PRSS12: variants seen among roughly 807,000 people sequenced by gnomAD.
PRSS12 encodes the protein serine protease 12.
A neutral mutation model predicts 104.4 loss-of-function variants in PRSS12; 85 were observed. That is an observed-to-expected ratio of 0.81 (90% CI 0.68 to 0.98). The LOEUF (loss-of-function observed/expected upper bound fraction) is 0.98. PRSS12 is among the 50% of genes least tolerant of loss of function. The pLI is 0.00. For synonymous variants in PRSS12, 454 were observed against 425.2 expected, an observed-to-expected ratio of 1.07 and a Z score of -0.83; for missense variants, 1,141 against 1,139.2, an observed-to-expected ratio of 1.00 and a Z score of -0.02.
chr4:118,310,153 A>G (rs1743669872), intron 7 of PRSS12, among the ~76,000 whole-genome samples: 1 of 152,238 alleles, frequency 6.6e-6, no homozygotes, highest in South Asian at 2.1e-4. Context: ...GAAATTTGGG[A>G]GTTCTTTGCA....
chr4:118,316,533 T>C lies in PRSS12; in HGVS notation c.1151-210A>G, dbSNP rs28582030. 6.2e-3 allele frequency among the ~76,000 whole-genome samples: 938 copies of C among 152,166 alleles called. 9 individuals carry two copies. Among genetic ancestry groups the C allele is most frequent in the African/African-American group, 0.021 (877 of 41,520 alleles). On this transcript the variant is annotated intron_variant, in intron 5 of 12. Transcript: ENST00000296498. ...ACACATTTCTGTCCTAATAAAATAT[T>C]CTTTCCAGCTGGGTGTGGTGGCTCA...
intron 11 of PRSS12, among the ~76,000 whole-genome samples, chr4:118,292,521 C>T (rs1743151939): frequency 6.6e-6 from 1 of 152,220 alleles, no homozygotes; most frequent in Non-Finnish European, 1.5e-5. Flanking sequence ...CCTATAACTA[C>T]ATAGTAAACT....
chr4:118,339,823 ATAT>A (rs1724155371), intron 1 of PRSS12, among the ~76,000 whole-genome samples: 1 of 152,180 alleles, frequency 6.6e-6, no homozygotes, highest in Non-Finnish European at 1.5e-5. Flanking sequence ...GGTCCACGTA[ATAT>A]TATGCACATC....
chr4:118,302,012 T>C (rs917935971), intron 8 of PRSS12, among the ~76,000 whole-genome samples: 5 of 152,228 alleles, frequency 3.3e-5, no homozygotes, highest in African/African-American at 4.8e-5. Context: ...TTGATGCTTA[T>C]TTGTGATATA....
chr4:118,316,611 C>T (rs1295887465), intron 5 of PRSS12, among the ~76,000 whole-genome samples: 1 of 151,884 alleles, frequency 6.6e-6, no homozygotes, highest in South Asian at 2.1e-4. Context: ...CACCTGAGGT[C>T]AGGAGTTCGA....
At position 118,298,877 on chromosome 4, in the gene PRSS12, C is replaced by T. The variant is rs757456129; in HGVS notation, c.1693G>A (p.Asp565Asn). 3 of 1,614,172 alleles carry T rather than the reference C, an allele frequency of 1.9e-6. No homozygotes were observed. Among genetic ancestry groups the T allele is most frequent in the Non-Finnish European group, 2.5e-6 (3 of 1,180,038 alleles). Residue 565 changes from aspartate (D) to asparagine (N), a missense_variant, in exon 9 of 13, where the codon GAT becomes AAT. By Grantham distance (23) the Asp-to-Asn change is conservative (BLOSUM62 1). Transcript: ENST00000296498. ...TCATTTCCTGTGCACTTCACATTAT[C>T]CACATGGATGGGTCCTTTTCCTTCT... ...FGEGKGPIHV[D>N]NVKCTGNERS...
chr4:118,337,382 A>G (rs544488456), intron 2 of PRSS12, among the ~76,000 whole-genome samples: 2 of 152,362 alleles, frequency 1.3e-5, no homozygotes, highest in East Asian at 3.9e-4. Flanking sequence ...AAACAAAAGA[A>G]TAAGAAAAAC....
intron 8 of PRSS12, chr4:118,303,445 T>C (rs556277134): frequency 2.0e-5 from 3 of 152,250 alleles, no homozygotes; most frequent in Admixed American, 6.5e-5. Flanking sequence ...TTAGAGAACA[T>C]TTTAACAAAT....
At position 118,335,646 on chromosome 4, in the gene PRSS12, T is replaced by C; in HGVS notation, c.647A>G (p.Lys216Arg). The C allele has an allele frequency of 6.2e-7, 1 of 1,613,920 alleles. No individual in the cohort carries two copies. The highest frequency in any genetic ancestry group is 8.5e-7 in the Non-Finnish European group (1 of 1,179,872). ...VICHQLQLGG[K>R]GIAKQTPFSG... ...AAACGGGGTTTGTTTTGCTATTCCT[T>C]TTCCTCTGGAAGTACAATGAGCGAT... The change falls in exon 3 of 13, where the codon AAA (lysine) becomes AGA (arginine). Residue 216 changes from lysine (K) to arginine (R), a missense_variant. Lys to Arg is a conservative substitution (Grantham distance 26). Coordinates refer to ENST00000296498, the MANE Select transcript of PRSS12 (RefSeq NM_003619.4).
At chr4:118,346,663 C>T (rs1055246284) in intron 1 of PRSS12, among the ~76,000 whole-genome samples, 3 of 150,754 alleles carry the variant, frequency 2.0e-5, no homozygotes, top group Non-Finnish European at 4.4e-5. Context: ...AGGAGGTGAG[C>T]AAGTGAAGCT....
chr4:118,303,396 A>T (rs1743449350), intron 8 of PRSS12: 1 of 150,544 alleles, frequency 6.6e-6, no homozygotes, highest in Admixed American at 6.6e-5. Context: ...TGCACAAACT[A>T]AAAAAAAGCA....
At chr4:118,330,591 A>G (rs1353785937) in intron 4 of PRSS12, among the ~76,000 whole-genome samples, 1 of 152,184 alleles carries the variant, frequency 6.6e-6, no homozygotes, top group Non-Finnish European at 1.5e-5. Flanking sequence ...TTGGTCTTGG[A>G]CTAAATTCTG....
rs1724043324 is a variant in PRSS12 at position 118,335,552 on chromosome 4, C to A, written c.741G>T (p.Leu247=). The part of the protein sequence containing the change: ...VRCRGDEENI[L]LCEKDIWQGG... ...CCTGCCAGATGTCTTTTTCACAAAGCAGTATATTTTCTTCATCTCCTCGGC... is the reference window on the plus strand; with the variant it reads ...CCTGCCAGATGTCTTTTTCACAAAGAAGTATATTTTCTTCATCTCCTCGGC... Residue 247 remains leucine, a synonymous_variant, in exon 3 of 13, where the codon CTG becomes CTT. Coordinates refer to ENST00000296498, the MANE Select transcript of PRSS12 (RefSeq NM_003619.4). The A allele has an allele frequency of 6.2e-7, 1 of 1,613,870 alleles. No homozygotes were observed.
In PRSS12 at chr4:118,352,838, C is replaced by T; in HGVS notation, c.-118G>A. 2 of 1,499,058 alleles carry T rather than the reference C, an allele frequency of 1.3e-6. No homozygotes were observed. The highest frequency in any genetic ancestry group is 1.8e-6 in the Non-Finnish European group (2 of 1,124,796). 92.9% of individuals were successfully genotyped at this position (1,499,058 alleles called of 1,614,324 possible). A position where few individuals can be genotyped will look rare whatever the true frequency, so the allele number is the denominator to read the frequency against. On this transcript the variant is annotated 5_prime_UTR_variant, in exon 1 of 13. Transcript: ENST00000296498. ...CTCGAATCCCCCAGCCCCCTCCCGC[C>T]CCCGCACGCGGACCGCCCTCGCCTC...
intron 1 of PRSS12, among the ~76,000 whole-genome samples, chr4:118,339,401 G>A (rs1724144526): frequency 6.6e-6 from 1 of 152,134 alleles, no homozygotes; most frequent in Non-Finnish European, 1.5e-5. Flanking sequence ...AAAAATATTA[G>A]ATTCACAAAG....
intron 8 of PRSS12, among the ~76,000 whole-genome samples, chr4:118,299,785 AAAATAAAATAAATAAAATAAAAT>A (rs1743358618): frequency 1.0e-5 from 1 of 97,648 alleles, no homozygotes; most frequent in African/African-American, 3.4e-5. Context: ...AAAATAAAAT[AAAATAAAATAAATAAAATAAAAT>A]AAATAAAATA....
Position 118,321,336 on chromosome 4 carries a change from T to C in PRSS12, c.972-2780A>G, listed in dbSNP as rs112052744. 2.5e-3 allele frequency among the ~76,000 whole-genome samples: 388 copies of C among 152,322 alleles called. 3 individuals carry two copies. Among genetic ancestry groups the C allele is most frequent in the Non-Finnish European group, 3.7e-3 (251 of 68,022 alleles). ...ATATGCCTAGAGAAGAGTGCACTAA[T>C]CATGTATAAATATTTGTATATTACT... On this transcript the variant is annotated intron_variant, in intron 4 of 12. Coordinates refer to ENST00000296498, the MANE Select transcript of PRSS12 (RefSeq NM_003619.4).
At chr4:118,299,085 C>CA (rs906263224) in intron 8 of PRSS12, 147 bp from the exon 9 acceptor site, 61 of 918,608 alleles carry the variant, frequency 6.6e-5, no homozygotes, top group Non-Finnish European at 8.1e-5. Flanking sequence ...TCATGACTGT[C>CA]AAAAAAAATT....
At chr4:118,318,274 G>A in intron 5 of PRSS12, 104 bp downstream of exon 5, 5 of 1,088,736 alleles carry the variant, frequency 4.6e-6, no homozygotes, top group Non-Finnish European at 6.8e-6. Flanking sequence ...GTATTTATTT[G>A]TATGCTCATT....
Sources: allele counts gnomAD v4.1 joint callset (sites outside exome capture counted in the v4.1 genomes callset), GRCh38; gene constraint gnomAD v4.1.1; transcripts MANE v1.5; gene names NCBI Gene and HGNC (gene_info 2026-07-23, HGNC 2026-07-21).